Variants in ZNF469 observed in about 807,000 individuals in gnomAD.
ZNF469 encodes zinc finger protein 469.
A neutral mutation model predicts 1.0 loss-of-function variants in ZNF469; 1 was observed. The ratio of observed to expected loss-of-function variants is 1.00; its 90% CI spans 0.35 to 4.73. The LOEUF is 4.73. ZNF469 is among the 30% of genes most tolerant of loss of function. The probability of loss-of-function intolerance (pLI) is 0.16; values close to 1 mark genes in which losing one functional copy is unlikely to be tolerated. For synonymous variants in ZNF469, 2,703 were observed against 2,363.4 expected (o/e 1.14, Z -4.17); for missense variants, 6,100 against 5,356.3 (o/e 1.14, Z -4.33).
At chr16:88,123,561 C>A in the ZNF469 span, among the ~76,000 whole-genome samples, 1 of 152,054 alleles carries the variant, frequency 6.6e-6, no homozygotes, top group Non-Finnish European at 1.5e-5. Flanking sequence ...GTTTTCATTT[C>A]TCTTGGGTGA....
the ZNF469 span, among the ~76,000 whole-genome samples, chr16:88,297,606 AGT>A: frequency 1.3e-5 from 2 of 151,874 alleles, no homozygotes; most frequent in Middle Eastern, 3.2e-3. Context: ...GTGGGATGGG[AGT>A]GTGGCAGCTC....
chr16:88,422,145 C>CGGGTGAAT (rs1905481049), intron 1 of ZNF469, among the ~76,000 whole-genome samples: 1 of 143,078 alleles, frequency 7.0e-6, no homozygotes, highest in Non-Finnish European at 1.5e-5. Flanking sequence ...GATGGGTGAA[C>CGGGTGAAT]GGGTGGGTGG....
chr16:88,184,227 T>C, the ZNF469 span, among the ~76,000 whole-genome samples: 1 of 152,006 alleles, frequency 6.6e-6, no homozygotes, highest in Non-Finnish European at 1.5e-5. Context: ...GGAAGACCGA[T>C]CACCACAGGC....
the ZNF469 span, among the ~76,000 whole-genome samples, chr16:88,302,826 C>T: frequency 6.6e-6 from 1 of 152,220 alleles, no homozygotes; most frequent in African/African-American, 2.4e-5. Flanking sequence ...CCCAGTTCAG[C>T]AATGTGCTGT....
the ZNF469 span, among the ~76,000 whole-genome samples, chr16:88,245,722 T>A: frequency 6.6e-6 from 1 of 152,286 alleles, no homozygotes; most frequent in Admixed American, 6.5e-5. Flanking sequence ...TTTAGGCCAT[T>A]TCTTCAGATC....
At chr16:88,310,229 A>G in the ZNF469 span, among the ~76,000 whole-genome samples, 1 of 152,052 alleles carries the variant, frequency 6.6e-6, no homozygotes, top group African/African-American at 2.4e-5. Context: ...GCACCTGCTG[A>G]CTTCCTCACC....
the ZNF469 span, among the ~76,000 whole-genome samples, chr16:88,167,728 G>A: frequency 6.6e-6 from 1 of 151,964 alleles, no homozygotes; most frequent in Non-Finnish European, 1.5e-5. Context: ...CGCCCATCCC[G>A]GGCAGAGCTG....
At chr16:88,230,882 G>T in the ZNF469 span, among the ~76,000 whole-genome samples, 4 of 152,126 alleles carry the variant, frequency 2.6e-5, no homozygotes, top group South Asian at 2.1e-4. Flanking sequence ...GCAGAGGCCC[G>T]GGCTCTCACA....
At chr16:88,268,265 A>G in the ZNF469 span, among the ~76,000 whole-genome samples, 1 of 152,038 alleles carries the variant, frequency 6.6e-6, no homozygotes, top group Non-Finnish European at 1.5e-5. Flanking sequence ...TGGTGTCTTA[A>G]GTCTCTGTGG....
the ZNF469 span, among the ~76,000 whole-genome samples, chr16:88,326,584 G>A: frequency 5.3e-5 from 8 of 152,290 alleles, no homozygotes; most frequent in Admixed American, 1.3e-4. Flanking sequence ...GCAGGACACC[G>A]CATGTTTCCC....
the ZNF469 span, among the ~76,000 whole-genome samples, chr16:88,243,626 T>A: frequency 6.6e-6 from 1 of 151,982 alleles, no homozygotes; most frequent in African/African-American, 2.4e-5. Flanking sequence ...CCAGAGGAGA[T>A]GCCTCCTCTG....
the ZNF469 span, among the ~76,000 whole-genome samples, chr16:88,145,006 C>T: frequency 2.0e-4 from 31 of 151,948 alleles, no homozygotes; most frequent in African/African-American, 6.8e-4. Flanking sequence ...CCCACCATGA[C>T]GCCCAGCTAA....
At chr16:88,346,001 G>A in the ZNF469 span, among the ~76,000 whole-genome samples, 1 of 152,232 alleles carries the variant, frequency 6.6e-6, no homozygotes, top group Non-Finnish European at 1.5e-5. Flanking sequence ...ATTCTTGGCG[G>A]GGGCAGGAGC....
At chr16:88,410,380 G>A (rs1378474212) in intron 1 of ZNF469, among the ~76,000 whole-genome samples, 2 of 151,844 alleles carry the variant, frequency 1.3e-5, no homozygotes, top group Admixed American at 6.6e-5. Flanking sequence ...CACAGTTTAC[G>A]GTGACGTCTA....
chr16:88,181,228 G>A, the ZNF469 span, among the ~76,000 whole-genome samples: 7 of 152,146 alleles, frequency 4.6e-5, no homozygotes, highest in Non-Finnish European at 8.8e-5. Context: ...CCGCCACCAC[G>A]CCTGGCTAAT....
chr16:88,349,215 G>A, the ZNF469 span, among the ~76,000 whole-genome samples: 1 of 152,166 alleles, frequency 6.6e-6, no homozygotes, highest in Admixed American at 6.5e-5. Flanking sequence ...GCAGGAAACT[G>A]AGGCCATGAG....
At chr16:88,307,836 T>G in the ZNF469 span, among the ~76,000 whole-genome samples, 1 of 152,238 alleles carries the variant, frequency 6.6e-6, no homozygotes, top group Non-Finnish European at 1.5e-5. Flanking sequence ...ACAAAAGTTT[T>G]AATTTTGAGA....
chr16:88,105,308 T>C, the ZNF469 span, among the ~76,000 whole-genome samples: 9 of 50,116 alleles, frequency 1.8e-4, no homozygotes, highest in East Asian at 6.3e-4. Context: ...TCTTTCTTTT[T>C]TTTTTTTTTT....
the ZNF469 span, among the ~76,000 whole-genome samples, chr16:88,135,748 G>GTTTTATTCTTTTTTT: frequency 1.3e-4 from 9 of 66,930 alleles, 4 homozygotes; most frequent in Admixed American, 5.6e-4. Flanking sequence ...AGCTGGCCAT[G>GTTTTATTCTTTTTTT]TTTTTTTTTT....
Sources: gnomAD v4.1 joint callset for allele counts (sites outside exome capture counted in the v4.1 genomes callset) on GRCh38, gnomAD v4.1.1 for gene constraint, MANE v1.5 for transcripts, NCBI Gene and HGNC (gene_info 2026-07-23, HGNC 2026-07-21) for gene names.